DEF8: variants seen among roughly 807,000 people sequenced by gnomAD.
DEF8 encodes DEF-8.
Under a neutral mutation model 59.1 loss-of-function variants are expected in DEF8, and 38 were observed. The observed-to-expected ratio is 0.64, with a 90% CI of 0.50 to 0.84. DEF8 has a LOEUF of 0.84. Ranked by LOEUF, DEF8 falls within the 40% of genes least tolerant of loss-of-function variation. DEF8 has a pLI of 0.00. For synonymous variants in DEF8, 265 were observed against 250.1 expected (o/e 1.06, Z -0.56); for missense variants, 557 against 615.2 (o/e 0.91, Z 1.00).
At chr16:89,956,286 C>G (rs1233563820) in intron 4 of DEF8, among the ~76,000 whole-genome samples, 1 of 151,620 alleles carries the variant, frequency 6.6e-6, no homozygotes, top group South Asian at 2.1e-4. Flanking sequence ...GAAACCCCGT[C>G]TCTACTAAAA....
At chr16:89,955,400 T>G in intron 4 of DEF8, 134 bp downstream of exon 4, 1 of 720,350 alleles carries the variant, frequency 1.4e-6, no homozygotes, top group Non-Finnish European at 2.3e-6. Flanking sequence ...CACTCCATTG[T>G]CAGGCTCAGC....
Position 89,963,443 on chromosome 16 carries a change from G to C in DEF8, c.1002G>C (p.Gln334His). 6.2e-7 allele frequency: 1 copy of C among 1,613,000 alleles called. No homozygotes were observed. The highest frequency in any genetic ancestry group is 8.5e-7 in the Non-Finnish European group (1 of 1,179,404). The change falls in exon 10 of 13, where the codon CAG (glutamine) becomes CAC (histidine). Residue 334 changes from glutamine (Q) to histidine (H), a missense_variant and splice_region_variant. Physicochemically the swap from Gln to His is conservative, Grantham distance 24. Coordinates refer to ENST00000563594, the MANE Select transcript of DEF8 (RefSeq NM_001242818.2). ...CCATGGAGGCTCGTCTGCTGCTGCA[G>C]GTCAGACTGCCAGCAGGACTGGCCC... ...REAMEARLLLQLQDRQHFVEN... is the reference protein window; with the variant it reads ...REAMEARLLLHLQDRQHFVEN...
At position 89,961,756 on chromosome 16, in the gene DEF8, C is replaced by T. The variant is rs749923440; in HGVS notation, c.699C>T (p.Ala233=). The T allele has an allele frequency of 1.7e-5, 27 of 1,613,342 alleles. No homozygotes were observed. Among genetic ancestry groups the T allele is most frequent in the Non-Finnish European group, 2.2e-5 (26 of 1,179,984 alleles). The change falls in exon 8 of 13, where the codon GCC becomes GCT. Residue 233 remains alanine, a synonymous_variant. Transcript: ENST00000563594. ...CTGCAGGGGGTGTGCCCAGTGAGGCCAGGCAGTGCGACTACACCGGCCAGT... is the reference window on the plus strand; with the variant it reads ...CTGCAGGGGGTGTGCCCAGTGAGGCTAGGCAGTGCGACTACACCGGCCAGT... ...PISLRGVPSE[A]RQCDYTGQYY...
chr16:89,957,401 T>C (rs2033379888), intron 4 of DEF8, 110 bp from the exon 5 acceptor site: 2 of 1,242,378 alleles, frequency 1.6e-6, no homozygotes, highest in Non-Finnish European at 1.1e-6. Flanking sequence ...AGTTTCCTTC[T>C]CTGGGTGAGG....
rs2033668691 is a variant in DEF8 at position 89,959,078 on chromosome 16, G to A, written c.437G>A (p.Ser146Asn). Residue 146 changes from serine (S) to asparagine (N), a missense_variant, in exon 6 of 13, where the codon AGC becomes AAC. Physicochemically the swap from Ser to Asn is conservative, Grantham distance 46 (BLOSUM62 1). Coordinates refer to ENST00000563594, the MANE Select transcript of DEF8 (RefSeq NM_001242818.2). ...GAGCACCGCTTTTACAAGGAGAAGA[G>A]CAAGAGCGTCAAGCAGACCTGTGAC... ...LLEHRFYKEK[S>N]KSVKQTCDKC... The A allele has an allele frequency of 1.9e-6, 3 of 1,613,696 alleles. No individual in the cohort carries two copies. Among genetic ancestry groups the A allele is most frequent in the Non-Finnish European group, 8.5e-7 (1 of 1,180,030 alleles).
Position 89,949,480 on chromosome 16 carries a change from C to T in DEF8, c.-44C>T, listed in dbSNP as rs373990731. ...GCCCTAGAGGAATGGCCATCCTGTC[C>T]CTGCGAGCCCCTGGGCCCTGGCAGG... is the stretch of plus-strand genomic sequence containing the variant. On this transcript the variant is annotated 5_prime_UTR_variant, in exon 2 of 13. Transcript: ENST00000563594. 8.7e-6 allele frequency: 14 copies of T among 1,612,622 alleles called. No homozygotes were observed. Among genetic ancestry groups the T allele is most frequent in the African/African-American group, 1.3e-5 (1 of 75,002 alleles).
Position 89,959,099 on chromosome 16 carries a change from G to A in DEF8, c.458G>A (p.Cys153Tyr). Residue 153 changes from cysteine (C) to tyrosine (Y), a missense_variant, in exon 6 of 13, where the codon TGT becomes TAT. Cys to Tyr is a radical substitution (Grantham distance 194). Coordinates refer to ENST00000563594, the MANE Select transcript of DEF8 (RefSeq NM_001242818.2). Reference protein sequence around the residue: ...KEKSKSVKQTCDKCNTIIWGL... With the variant: ...KEKSKSVKQTYDKCNTIIWGL... The stretch of plus-strand genomic sequence containing the variant: ...AAGAGCAAGAGCGTCAAGCAGACCT[G>A]TGACAAGTGTAACACCATCATCTGG... The A allele has an allele frequency of 6.2e-7, 1 of 1,613,914 alleles. No individual in the cohort carries two copies. Among genetic ancestry groups the A allele is most frequent in the South Asian group, 1.1e-5 (1 of 91,080 alleles).
Position 89,961,863 on chromosome 16 carries a change from A to C in DEF8, c.806A>C (p.Lys269Thr). ...CACAACTGGGACTTTGAGCCTCGAA[A>C]GGTGGGGGTTGGAAGGTGGGGGCAT... ...VVHNWDFEPR[K>T]VSRCSMRYLA... The change falls in exon 8 of 13, where the codon AAG becomes ACG. Residue 269 changes from lysine (K) to threonine (T), a missense_variant and splice_region_variant. By Grantham distance (78) the Lys-to-Thr change is moderately conservative. Transcript: ENST00000563594. 6.3e-7 allele frequency: 1 copy of C among 1,597,260 alleles called. No homozygotes were observed.
In DEF8 at chr16:89,953,210, C is replaced by T. The variant is rs921704899; in HGVS notation, c.-10-1033C>T. Among the ~76,000 whole-genome samples the T allele has an allele frequency of 3.3e-5, 5 of 152,334 alleles. No individual in the cohort carries two copies. In the East Asian group the frequency reaches 5.8e-4, roughly 18 times the overall value. ...CTTTCTATAACATCAACAGACCTTA[C>T]AGCGAGCTTACTTTGTGCTCAGTCT... On this transcript the variant is annotated intron_variant, in intron 2 of 12. Coordinates refer to ENST00000563594, the MANE Select transcript of DEF8 (RefSeq NM_001242818.2).
Position 89,962,269 on chromosome 16 carries a change from G to A in DEF8, c.921+144G>A, listed in dbSNP as rs373854966. ...ACCTGCTTAGGGTGAGCCAGGCGCC[G>A]CGGCTGCCCTTTTGGTTGAAGGTGC... On this transcript the variant is annotated intron_variant, in intron 9 of 12. Transcript: ENST00000563594. 6.4e-5 allele frequency: 45 copies of A among 699,154 alleles called. No homozygotes were observed. In the East Asian group the frequency reaches 7.9e-4, roughly 12 times the overall value. The allele number at this position is 699,154 out of a possible 1,614,324, so 43.3% of individuals were successfully genotyped here.
intron 6 of DEF8, among the ~76,000 whole-genome samples, chr16:89,959,763 C>T (rs1241399217): frequency 6.6e-6 from 1 of 152,244 alleles, no homozygotes; most frequent in Non-Finnish European, 1.5e-5. Context: ...TCCCAAAGTG[C>T]TGGGATTACA....
At chr16:89,949,811 C>T (rs1208218083) in intron 2 of DEF8, among the ~76,000 whole-genome samples, 2 of 152,224 alleles carry the variant, frequency 1.3e-5, no homozygotes, top group East Asian at 1.9e-4. Flanking sequence ...TTCACTCTTC[C>T]ACTTCCTGCC....
chr16:89,956,395 G>T (rs905221719), intron 4 of DEF8: 1 of 151,940 alleles, frequency 6.6e-6, no homozygotes, highest in Non-Finnish European at 1.5e-5. Context: ...GGGAGGTGGA[G>T]GTTGCAGTGA....
At position 89,961,956 on chromosome 16, in the gene DEF8, C is replaced by T. The variant is rs983275857; in HGVS notation, c.808-56C>T. ...CCGGTGTACCCCTGGTTGGGTGTTG[C>T]CCGCTGCACGGGCCCTGGGTGGGTG... On this transcript the variant is annotated intron_variant, in intron 8 of 12. Transcript: ENST00000563594. 9 of 1,607,694 alleles carry T rather than the reference C, an allele frequency of 5.6e-6. No individual in the cohort carries two copies. The Admixed American group carries it at 1.3e-4, about 24-fold the overall frequency.
intron 2 of DEF8, among the ~76,000 whole-genome samples, chr16:89,951,138 C>T (rs1407550375): frequency 2.6e-5 from 4 of 152,144 alleles, no homozygotes; most frequent in Non-Finnish European, 5.9e-5. Flanking sequence ...AGAATGGAGG[C>T]AGAGAAACGT....
chr16:89,949,683 C>T (rs1258574071), intron 2 of DEF8, 170 bp downstream of exon 2: 22 of 1,550,768 alleles, frequency 1.4e-5, no homozygotes, highest in Non-Finnish European at 1.8e-5. Flanking sequence ...AGGGTCCCTC[C>T]GTGCCCCGGA....
In DEF8 at chr16:89,949,626, C is replaced by A. The variant is rs776768685; in HGVS notation, c.-11+113C>A. ...CCTGGTGGTCACGCCGCGGGCAGGA[C>A]GCGGGAGGCCAGGTCCGTGCATCCC... On this transcript the variant is annotated intron_variant, in intron 2 of 12. Coordinates refer to ENST00000563594, the MANE Select transcript of DEF8 (RefSeq NM_001242818.2). The A allele has an allele frequency of 8.7e-6, 14 of 1,611,856 alleles. No individual in the cohort carries two copies. Among genetic ancestry groups the A allele is most frequent in the Non-Finnish European group, 1.1e-5 (13 of 1,179,318 alleles).
At position 89,956,198 on chromosome 16, in the gene DEF8, C is replaced by T. The variant is rs184636454; in HGVS notation, c.222+932C>T. 2.6e-5 allele frequency among the ~76,000 whole-genome samples: 4 copies of T among 151,652 alleles called. No individual in the cohort carries two copies. The East Asian group carries it at 8.0e-4, about 30-fold the overall frequency. The stretch of plus-strand genomic sequence containing the variant: ...TTGGGCCAGACGTGGTGGCTCACGC[C>T]TGTAATCCAGCACTTTGGGAGGCCG... On this transcript the variant is annotated intron_variant, in intron 4 of 12. Transcript: ENST00000563594.
Position 89,967,663 on chromosome 16 carries a change from A to G in DEF8, c.*1700A>G. The G allele has an allele frequency of 5.1e-6, 2 of 395,876 alleles. No individual in the cohort carries two copies. Among genetic ancestry groups the G allele is most frequent in the African/African-American group, 2.1e-5 (1 of 48,708 alleles). 24.5% of individuals were successfully genotyped at this position (395,876 alleles called of 1,614,324 possible). On this transcript the variant is annotated 3_prime_UTR_variant, in exon 13 of 13. Transcript: ENST00000563594. ...GCCAAATGCTGTTTCCCAACACCCCAAAGTCTGCACACGTCTCATGAATGC... is the reference window on the plus strand; with the variant it reads ...GCCAAATGCTGTTTCCCAACACCCCGAAGTCTGCACACGTCTCATGAATGC...
Sources: gnomAD v4.1 joint callset for allele counts (sites outside exome capture counted in the v4.1 genomes callset) on GRCh38, gnomAD v4.1.1 for gene constraint, MANE v1.5 for transcripts, NCBI Gene and HGNC (gene_info 2026-07-23, HGNC 2026-07-21) for gene names.